The following ITPRID1 variants were observed in gnomAD, a reference collection of about 807,000 sequenced individuals.
ITPRID1 encodes the protein ITPR interacting domain containing 1, also known as protein ITPRID1.
In ITPRID1, 96 loss-of-function variants were observed where a neutral mutation model predicts 95.4. That is an observed-to-expected ratio of 1.01 (90% CI 0.85 to 1.19). ITPRID1 has a LOEUF of 1.19. ITPRID1 is among the 50% of genes most tolerant of loss of function. ITPRID1 has a pLI of 0.00. For missense variants in ITPRID1, 1,339 were observed against 1,252.9 expected (o/e 1.07, Z -1.04); for synonymous variants, 510 against 453.6 (o/e 1.12, Z -1.58).
At position 31,639,538 on chromosome 7, in the gene ITPRID1, G is replaced by GT. The variant is rs796733772; in HGVS notation, c.1229-2622dup. ...GTTTTTCTTTTGTTTGTTTGTTTTT[G>GT]TTTTTTTTTTTTTTTTGAGATGGAG... On this transcript the variant is annotated intron_variant, in intron 10 of 14. Transcript: ENST00000615280. Among the ~76,000 whole-genome samples the GT allele has an allele frequency of 2.8e-3, 395 of 142,502 alleles. 5 individuals are homozygous for GT. Among genetic ancestry groups the GT allele is most frequent in the African/African-American group, 7.9e-3 (309 of 38,900 alleles). The allele number at this position is 142,502 out of a possible 152,430, so 93.5% of individuals were successfully genotyped here.
At chr7:31,593,138 C>G (rs1562594347) in intron 10 of ITPRID1, among the ~76,000 whole-genome samples, 1 of 152,008 alleles carries the variant, frequency 6.6e-6, no homozygotes, top group Non-Finnish European at 1.5e-5. Flanking sequence ...AAGCCCATCG[C>G]TACTAAAAAT....
At chr7:31,636,701 G>A (rs1789511636) in intron 10 of ITPRID1, among the ~76,000 whole-genome samples, 1 of 151,606 alleles carries the variant, frequency 6.6e-6, no homozygotes, top group African/African-American at 2.4e-5. Flanking sequence ...GGGCCCAGAA[G>A]CACATAAAGG....
In ITPRID1 at chr7:31,591,108, G is replaced by A. The variant is rs140917641; in HGVS notation, c.1228+7917G>A. On this transcript the variant is annotated intron_variant, in intron 10 of 14. Transcript: ENST00000615280. Reference sequence around the variant, plus strand: ...GACTGTGGAATGGGCTGTGCCTCCAGGTCAAGAACTCTAGTGAGCAAGACA... The same window carrying A: ...GACTGTGGAATGGGCTGTGCCTCCAAGTCAAGAACTCTAGTGAGCAAGACA... Among the ~76,000 whole-genome samples, 1,224 of 152,240 alleles carry A rather than the reference G, an allele frequency of 8.0e-3. 18 individuals are homozygous for A. The highest frequency in any genetic ancestry group is 0.028 in the African/African-American group (1,148 of 41,546).
intron 5 of ITPRID1, among the ~76,000 whole-genome samples, chr7:31,560,908 C>T (rs1285633069): frequency 6.6e-6 from 1 of 151,962 alleles, no homozygotes; most frequent in African/African-American, 2.4e-5. Context: ...GACGGAAGAC[C>T]ACACAAGTAA....
Position 31,591,773 on chromosome 7 carries a change from T to C in ITPRID1, c.1228+8582T>C, listed in dbSNP as rs961050379. 4.6e-5 allele frequency among the ~76,000 whole-genome samples: 7 copies of C among 152,322 alleles called. No homozygotes were observed. In the East Asian group the frequency reaches 1.3e-3, roughly 29 times the overall value. On this transcript the variant is annotated intron_variant, in intron 10 of 14. Transcript: ENST00000615280. Reference sequence around the variant, plus strand: ...TTGTCTTTGGGGAATTTTCTTTCCATGACACAGTATTTTGCCACTATTTGA... The same window carrying C: ...TTGTCTTTGGGGAATTTTCTTTCCACGACACAGTATTTTGCCACTATTTGA...
chr7:31,516,492 A>G (rs1441840689), intron 1 of ITPRID1, among the ~76,000 whole-genome samples: 1 of 152,214 alleles, frequency 6.6e-6, no homozygotes, highest in East Asian at 1.9e-4. Flanking sequence ...GAGAAATCCC[A>G]GGGAGGGTAG....
At chr7:31,620,017 T>C (rs1013285525) in intron 10 of ITPRID1, among the ~76,000 whole-genome samples, 10 of 152,106 alleles carry the variant, frequency 6.6e-5, no homozygotes, top group African/African-American at 2.4e-4. Context: ...AGCACAGCAG[T>C]CTGAGATCAA....
At chr7:31,627,020 A>G (rs560610228) in intron 10 of ITPRID1, among the ~76,000 whole-genome samples, 2 of 152,350 alleles carry the variant, frequency 1.3e-5, no homozygotes, top group African/African-American at 2.4e-5. Flanking sequence ...TCTAAAACAC[A>G]TATGTTGAGG....
chr7:31,651,606 C>A (rs1034643538), intron 13 of ITPRID1, among the ~76,000 whole-genome samples: 7 of 151,894 alleles, frequency 4.6e-5, no homozygotes, highest in African/African-American at 1.7e-4. Flanking sequence ...GGATGGAAAT[C>A]AGGTTTAACT....
intron 5 of ITPRID1, among the ~76,000 whole-genome samples, chr7:31,557,859 C>T (rs941845702): frequency 6.6e-6 from 1 of 152,154 alleles, no homozygotes. Flanking sequence ...AGACTAATAA[C>T]ATTTACTACA....
At chr7:31,566,846 T>G (rs1044930612) in intron 5 of ITPRID1, among the ~76,000 whole-genome samples, 2 of 152,170 alleles carry the variant, frequency 1.3e-5, no homozygotes, top group African/African-American at 4.8e-5. Flanking sequence ...AATGCCGCAA[T>G]GGATTAGCCA....
At position 31,643,412 on chromosome 7, in the gene ITPRID1, C is replaced by T. The variant is rs771571868; in HGVS notation, c.2042C>T (p.Ser681Phe). ...PGDPAQVKSR[S>F]GTLGQILPGT... is the part of the protein sequence containing the mutation. Reference sequence around the variant, plus strand: ...GATCCTGCCCAGGTGAAGTCAAGGTCTGGTACTTTGGGTCAGATACTACCT... The same window carrying T: ...GATCCTGCCCAGGTGAAGTCAAGGTTTGGTACTTTGGGTCAGATACTACCT... The change falls in exon 12 of 15, where the codon TCT becomes TTT. Residue 681 changes from serine (S) to phenylalanine (F), a missense_variant. Coordinates refer to ENST00000615280, the MANE Select transcript of ITPRID1 (RefSeq NM_001257967.3). The T allele has an allele frequency of 1.9e-6, 3 of 1,613,972 alleles. No homozygotes were observed. The highest frequency in any genetic ancestry group is 2.5e-6 in the Non-Finnish European group (3 of 1,179,890).
rs1791294742 is a variant in ITPRID1, at chr7:31,656,150, G to T, written c.*3321G>T. 2.5e-6 allele frequency: 1 copy of T among 403,824 alleles called. No homozygotes were observed. Among genetic ancestry groups the T allele is most frequent in the African/African-American group, 2.2e-5 (1 of 46,044 alleles). 25.0% of individuals were successfully genotyped at this position (403,824 alleles called of 1,614,324 possible). A position where few individuals can be genotyped will look rare whatever the true frequency, so the allele number is the denominator to read the frequency against. The stretch of plus-strand genomic sequence containing the variant: ...CACTTTGCTTTTTTGTTAAAACACT[G>T]AAAACCTCCTGTCTTGTGTTACCAT... On this transcript the variant is annotated 3_prime_UTR_variant, in exon 15 of 15. Coordinates refer to ENST00000615280, the MANE Select transcript of ITPRID1 (RefSeq NM_001257967.3).
chr7:31,565,841 T>C (rs756366447), intron 5 of ITPRID1, among the ~76,000 whole-genome samples: 81 of 152,152 alleles, frequency 5.3e-4, no homozygotes, highest in Non-Finnish European at 1.1e-3. Flanking sequence ...CCTGACATCC[T>C]CTAATTATTG....
At chr7:31,567,794 C>T (rs1195031869) in intron 5 of ITPRID1, among the ~76,000 whole-genome samples, 3 of 152,138 alleles carry the variant, frequency 2.0e-5, no homozygotes, top group African/African-American at 4.8e-5. Context: ...TTTCTCACTA[C>T]TTCTTTAAAT....
chr7:31,617,318 T>C (rs1314411900), intron 10 of ITPRID1, among the ~76,000 whole-genome samples: 1 of 152,176 alleles, frequency 6.6e-6, no homozygotes, highest in Non-Finnish European at 1.5e-5. Flanking sequence ...AGTATTTCAT[T>C]GATAAGCTAT....
At chr7:31,568,604 T>A (rs1562575204) in intron 5 of ITPRID1, among the ~76,000 whole-genome samples, 1 of 152,190 alleles carries the variant, frequency 6.6e-6, no homozygotes, top group Non-Finnish European at 1.5e-5. Context: ...TCTGCACGTG[T>A]CAGCCACATT....
rs535608731 is a variant in ITPRID1, at chr7:31,653,302, T to C, written c.*473T>C. Reference sequence around the variant, plus strand: ...GTGTGGGTACATAGGAGGCAAACAGTTGCATTTTTTTGAGTCTGATCAGCT... The same window carrying C: ...GTGTGGGTACATAGGAGGCAAACAGCTGCATTTTTTTGAGTCTGATCAGCT... On this transcript the variant is annotated 3_prime_UTR_variant, in exon 15 of 15. Transcript: ENST00000615280. 5.8e-4 allele frequency: 93 copies of C among 159,068 alleles called. No individual in the cohort carries two copies. Among genetic ancestry groups the C allele is most frequent in the Admixed American group, 4.3e-3 (74 of 17,070 alleles). 9.9% of individuals were successfully genotyped at this position (159,068 alleles called of 1,614,324 possible).
chr7:31,540,640 T>C (rs912373879), intron 1 of ITPRID1, among the ~76,000 whole-genome samples: 4 of 152,188 alleles, frequency 2.6e-5, no homozygotes, highest in African/African-American at 9.6e-5. Flanking sequence ...ATTTGTTACA[T>C]AGTCCTTTTA....
Sources: allele counts gnomAD v4.1 joint callset (sites outside exome capture counted in the v4.1 genomes callset), GRCh38; gene constraint gnomAD v4.1.1; transcripts MANE v1.5; gene names NCBI Gene and HGNC (gene_info 2026-07-23, HGNC 2026-07-21).